The following IL13RA1 variants were observed in gnomAD, a reference collection of about 807,000 sequenced individuals.
The protein encoded by IL13RA1 is interleukin-13 receptor subunit alpha-1.
Under a neutral mutation model 33.8 loss-of-function variants are expected in IL13RA1, and 14 were observed. The observed-to-expected ratio is 0.41, with a 90% CI of 0.27 to 0.65. The LOEUF (loss-of-function observed/expected upper bound fraction) is 0.65, where lower values mean the gene tolerates loss of function less well. Ranked by LOEUF, IL13RA1 falls within the 30% of genes least tolerant of loss-of-function variation. IL13RA1 has a pLI of 0.28. For missense variants in IL13RA1, 313 were observed against 327.0 expected (o/e 0.96, Z 0.33); for synonymous variants, 116 against 115.7 (o/e 1.00, Z -0.02).
chrX:118,770,883 C>T (rs2017711878), intron 8 of IL13RA1: 4 of 255,509 alleles, frequency 1.6e-5, no homozygotes, highest in South Asian at 1.2e-4. Flanking sequence ...TCCAACGACC[C>T]TTCCTGCTTC....
chrX:118,767,885 C>A (rs12389958), intron 8 of IL13RA1, among the ~76,000 whole-genome samples: 7,545 of 111,379 alleles, frequency 0.068, 646 homozygotes, highest in African/African-American at 0.23. Flanking sequence ...GGTTGGGGCA[C>A]AGAGCTATGG....
intron 5 of IL13RA1, 79 bp from the exon 6 acceptor site, chrX:118,761,059 G>A (rs2017585278): frequency 4.4e-6 from 2 of 452,427 alleles, no homozygotes; most frequent in South Asian, 1.2e-4. Flanking sequence ...TGGAATCCAT[G>A]GATATGGAGG....
In IL13RA1 at chrX:118,791,591, A is replaced by C. The variant is rs150055630; in HGVS notation, c.1192-171A>C. Reference sequence around the variant, plus strand: ...TAATTCCTGATTGTTCTGTTTCATTAATCATTCAGATAGATAAAGATTCTT... The same window carrying C: ...TAATTCCTGATTGTTCTGTTTCATTCATCATTCAGATAGATAAAGATTCTT... On this transcript the variant is annotated intron_variant, in intron 10 of 10. Transcript: ENST00000371666. Among the ~76,000 whole-genome samples, 556 of 107,616 alleles carry C rather than the reference A, an allele frequency of 5.2e-3. 4 individuals carry two copies. Among genetic ancestry groups the C allele is most frequent in the African/African-American group, 0.018 (525 of 29,131 alleles). 93.5% of individuals were successfully genotyped at this position (107,616 alleles called of 115,157 possible).
rs1271482397 is a variant in IL13RA1, at chrX:118,793,870, T to C, written c.*2016T>C. The C allele has an allele frequency of 3.6e-5, 4 of 112,039 alleles. No homozygotes were observed. Among genetic ancestry groups the C allele is most frequent in the African/African-American group, 1.3e-4 (4 of 30,809 alleles). 9.2% of individuals were successfully genotyped at this position (112,039 alleles called of 1,213,427 possible). On this transcript the variant is annotated 3_prime_UTR_variant, in exon 11 of 11. Transcript: ENST00000371666. ...GACAATGGCAGATGTAAAGTTATTC[T>C]TGAAGTCAGATTGAGGCTGGGAGAC...
intron 8 of IL13RA1, chrX:118,770,703 C>T (rs1230433754): frequency 2.7e-6 from 1 of 373,234 alleles, no homozygotes; most frequent in Admixed American, 2.9e-5. Context: ...GGCTCCGCAT[C>T]TTCAGCAGCA....
chrX:118,803,583 A>G, the IL13RA1 span, among the ~76,000 whole-genome samples: 43 of 112,148 alleles, frequency 3.8e-4, 2 homozygotes, highest in South Asian at 0.015. Flanking sequence ...CATTTCCCCA[A>G]TTGTCTCATA....
At chrX:118,804,210 GCCTCCCAAAGTGCT>G in the IL13RA1 span, among the ~76,000 whole-genome samples, 3 of 110,159 alleles carry the variant, frequency 2.7e-5, no homozygotes, top group Non-Finnish European at 5.7e-5. Context: ...ACTTGCATCA[GCCTCCCAAAGTGCT>G]GGGATTACAG....
At chrX:118,784,077 CAAA>C (rs376419026) in intron 10 of IL13RA1, among the ~76,000 whole-genome samples, 4 of 25,317 alleles carry the variant, frequency 1.6e-4, no homozygotes, top group Admixed American at 7.2e-4. Flanking sequence ...ACTCTGTCGC[CAAA>C]AAAAAAAAAA....
chrX:118,754,847 A>G (rs1430244495), intron 4 of IL13RA1, among the ~76,000 whole-genome samples: 1 of 110,373 alleles, frequency 9.1e-6, no homozygotes, highest in Non-Finnish European at 1.9e-5. Context: ...AGCAAGCACC[A>G]GAAATGGTTT....
chrX:118,795,227 A>AAAAAAAAAAAAAAAAAAAAAAAAAAAG (rs200347606), downstream of IL13RA1, among the ~76,000 whole-genome samples: 3 of 95,004 alleles, frequency 3.2e-5, no homozygotes, highest in African/African-American at 1.4e-4. Flanking sequence ...AAAAAAAAAA[A>AAAAAAAAAAAAAAAAAAAAAAAAAAAG]AAAGAAAAAG....
chrX:118,772,274 CGT>C (rs2017731179), intron 8 of IL13RA1, among the ~76,000 whole-genome samples: 1 of 112,477 alleles, frequency 8.9e-6, no homozygotes, highest in Non-Finnish European at 1.9e-5. Context: ...TGGGTGTGTG[CGT>C]GCGCACACGT....
At chrX:118,797,816 T>A (rs2018039718), downstream of IL13RA1, among the ~76,000 whole-genome samples, 1 of 110,990 alleles carries the variant, frequency 9.0e-6, no homozygotes, top group Admixed American at 9.6e-5. Context: ...ATGTAGGAAG[T>A]GTGAGAAGGA....
chrX:118,744,948 G>A (rs1311001848), intron 2 of IL13RA1, among the ~76,000 whole-genome samples: 1 of 111,685 alleles, frequency 9.0e-6, no homozygotes, highest in Non-Finnish European at 1.9e-5. Flanking sequence ...TGGATCCTTG[G>A]ATAAGGGTGG....
intron 4 of IL13RA1, among the ~76,000 whole-genome samples, chrX:118,750,767 A>C (rs2017461793): frequency 9.0e-6 from 1 of 110,798 alleles, no homozygotes; most frequent in African/African-American, 3.3e-5. Context: ...TCTACTTTTA[A>C]AAAGGAAAAT....
chrX:118,790,407 A>G (rs911471539), intron 10 of IL13RA1, among the ~76,000 whole-genome samples: 3 of 112,331 alleles, frequency 2.7e-5, no homozygotes, highest in Non-Finnish European at 5.6e-5. Context: ...TCAGAGTTGT[A>G]TCTAGTTTTT....
chrX:118,770,019 C>G (rs748584349), intron 8 of IL13RA1: 1 of 224,389 alleles, frequency 4.5e-6, no homozygotes, highest in Non-Finnish European at 8.3e-6. Flanking sequence ...AGCAACTGCT[C>G]GGTGTGTGCT....
At chrX:118,789,742 C>T (rs2017957085) in intron 10 of IL13RA1, among the ~76,000 whole-genome samples, 1 of 110,968 alleles carries the variant, frequency 9.0e-6, no homozygotes, top group Non-Finnish European at 1.9e-5. Flanking sequence ...GCCCTTTCCA[C>T]CTTAGATTTA....
chrX:118,752,697 T>C (rs1310454139), intron 4 of IL13RA1, among the ~76,000 whole-genome samples: 4 of 112,463 alleles, frequency 3.6e-5, no homozygotes, highest in African/African-American at 6.5e-5. Context: ...GTGCCTGATA[T>C]ATAGTAGGTA....
intron 6 of IL13RA1, among the ~76,000 whole-genome samples, chrX:118,764,456 G>C (rs2017624982): frequency 9.1e-6 from 1 of 109,761 alleles, no homozygotes; most frequent in Non-Finnish European, 1.9e-5. Context: ...GCCAGTAATA[G>C]GGTATACTAG....
Sources: allele counts gnomAD v4.1 joint callset (sites outside exome capture counted in the v4.1 genomes callset), GRCh38; gene constraint gnomAD v4.1.1; transcripts MANE v1.5; gene names NCBI Gene and HGNC (gene_info 2026-07-23, HGNC 2026-07-21).